The following LRRC37A2 variants were observed in gnomAD, a reference collection of about 807,000 sequenced individuals.
LRRC37A2 encodes leucine-rich repeat-containing protein 37A2.
LRRC37A2 carries 9 observed loss-of-function variants against 68.8 expected under a neutral mutation model. The observed-to-expected ratio is 0.13, with a 90% confidence interval of 0.08 to 0.23. LRRC37A2 has a LOEUF of 0.23. Among genes scored for constraint, LRRC37A2 ranks in the 10% least tolerant of loss-of-function variants. The pLI is 1.00. For synonymous variants in LRRC37A2, 63 were observed against 367.6 expected (o/e 0.17, Z 9.48); for missense variants, 168 against 950.4 (o/e 0.18, Z 10.82).
the LRRC37A2 span, among the ~76,000 whole-genome samples, chr17:46,849,705 G>A: frequency 6.6e-6 from 1 of 152,158 alleles, no homozygotes. Context: ...GAATATTTAA[G>A]GCACAGAGAT....
the LRRC37A2 span, among the ~76,000 whole-genome samples, chr17:46,969,304 C>A: frequency 6.6e-6 from 1 of 152,226 alleles, no homozygotes; most frequent in African/African-American, 2.4e-5. Context: ...GTCCTTGTGC[C>A]CCCTGGGGGG....
At chr17:46,994,378 T>A in the LRRC37A2 span, among the ~76,000 whole-genome samples, 1 of 139,752 alleles carries the variant, frequency 7.2e-6, no homozygotes, top group Non-Finnish European at 1.5e-5. Flanking sequence ...ACAGTGAAAC[T>A]CCATCTCAAA....
At chr17:46,923,215 C>T in the LRRC37A2 span, 5 of 1,550,418 alleles carry the variant, frequency 3.2e-6, no homozygotes, top group Non-Finnish European at 3.5e-6. Context: ...TTCCAGCAAA[C>T]GCACAAGTGA....
the LRRC37A2 span, among the ~76,000 whole-genome samples, chr17:46,678,727 C>G: frequency 4.2e-5 from 5 of 117,846 alleles, no homozygotes; most frequent in Admixed American, 2.7e-4. Flanking sequence ...TGCTGAAAAC[C>G]AAAAATGAGA....
the LRRC37A2 span, among the ~76,000 whole-genome samples, chr17:47,039,213 CTTTGT>C: frequency 6.9e-6 from 1 of 144,342 alleles, no homozygotes. Context: ...TGTGTGGTTG[CTTTGT>C]TTTTAGACAG....
chr17:47,015,154 C>T, the LRRC37A2 span, among the ~76,000 whole-genome samples: 21 of 151,722 alleles, frequency 1.4e-4, no homozygotes, highest in Non-Finnish European at 2.2e-4. Flanking sequence ...ATTATAGACA[C>T]GCGTCACCAC....
At chr17:46,953,946 G>A in the LRRC37A2 span, among the ~76,000 whole-genome samples, 1 of 152,204 alleles carries the variant, frequency 6.6e-6, no homozygotes, top group Non-Finnish European at 1.5e-5. Flanking sequence ...CCCTTTGTCA[G>A]ATGAGTAGAT....
At chr17:46,859,528 C>T in the LRRC37A2 span, among the ~76,000 whole-genome samples, 34 of 152,216 alleles carry the variant, frequency 2.2e-4, no homozygotes, top group Middle Eastern at 3.4e-3. Context: ...TACTATACAG[C>T]CTTGATTACA....
chr17:46,911,951 GATC>G, the LRRC37A2 span, among the ~76,000 whole-genome samples: 8 of 152,260 alleles, frequency 5.3e-5, no homozygotes, highest in East Asian at 1.5e-3. Flanking sequence ...GAATGAATGA[GATC>G]ATTATTAGTG....
At chr17:46,931,667 G>A in the LRRC37A2 span, 1 of 179,438 alleles carries the variant, frequency 5.6e-6, no homozygotes, top group South Asian at 5.8e-5. Context: ...TCCACCCCCA[G>A]CGCCTGTTTC....
chr17:46,749,152 A>G, the LRRC37A2 span, among the ~76,000 whole-genome samples: 1 of 152,234 alleles, frequency 6.6e-6, no homozygotes, highest in Non-Finnish European at 1.5e-5. Context: ...AAGAAAAGCC[A>G]AGAGAATTGA....
chr17:47,037,711 A>G, the LRRC37A2 span, among the ~76,000 whole-genome samples: 6 of 152,190 alleles, frequency 3.9e-5, no homozygotes, highest in African/African-American at 1.4e-4. Context: ...TTCTTCTGTA[A>G]GTATTTGGTA....
the LRRC37A2 span, among the ~76,000 whole-genome samples, chr17:46,959,304 T>C: frequency 6.6e-6 from 1 of 152,214 alleles, no homozygotes; most frequent in Admixed American, 6.5e-5. Context: ...GGAAAAGCAT[T>C]CTGCTTTCTT....
chr17:46,912,840 G>A, the LRRC37A2 span, among the ~76,000 whole-genome samples: 1 of 152,166 alleles, frequency 6.6e-6, no homozygotes, highest in Non-Finnish European at 1.5e-5. Flanking sequence ...TGTGTGACTC[G>A]GCCCTCTTTG....
the LRRC37A2 span, among the ~76,000 whole-genome samples, chr17:46,901,323 G>A: frequency 1.1e-4 from 17 of 152,094 alleles, no homozygotes; most frequent in African/African-American, 2.7e-4. Flanking sequence ...CATCATGCCC[G>A]GCTAATTTTT....
At chr17:47,023,540 G>A in the LRRC37A2 span, among the ~76,000 whole-genome samples, 2 of 152,198 alleles carry the variant, frequency 1.3e-5, no homozygotes, top group Admixed American at 6.5e-5. Flanking sequence ...AAGTAGCCAG[G>A]TGTGGTGGTG....
At chr17:46,939,181 A>G in the LRRC37A2 span, 1 of 1,086,540 alleles carries the variant, frequency 9.2e-7, no homozygotes, top group South Asian at 2.8e-5. Flanking sequence ...GCAAAAGTGG[A>G]AAGGAAAGGA....
chr17:47,002,935 A>G, the LRRC37A2 span, among the ~76,000 whole-genome samples: 15 of 152,276 alleles, frequency 9.9e-5, no homozygotes, highest in East Asian at 2.9e-3. Flanking sequence ...AACAGAAACT[A>G]ACTCAAAGAC....
At chr17:46,918,888 C>G in the LRRC37A2 span, among the ~76,000 whole-genome samples, 1 of 152,144 alleles carries the variant, frequency 6.6e-6, no homozygotes, top group Non-Finnish European at 1.5e-5. Context: ...ACGCTGTTTC[C>G]TCTTCCTGGG....
Sources: allele counts gnomAD v4.1 joint callset (sites outside exome capture counted in the v4.1 genomes callset), GRCh38; gene constraint gnomAD v4.1.1; transcripts MANE v1.5; gene names NCBI Gene and HGNC (gene_info 2026-07-23, HGNC 2026-07-21).